The following ARHGAP24 variants were observed in gnomAD, a reference collection of about 807,000 sequenced individuals.
The protein encoded by ARHGAP24 is Rho GTPase activating protein 24.
Under a neutral mutation model 76.4 loss-of-function variants are expected in ARHGAP24, and 50 were observed. That is an observed-to-expected ratio of 0.65 (90% CI 0.52 to 0.83). The LOEUF is 0.83. Among genes scored for constraint, ARHGAP24 ranks in the 40% least tolerant of loss-of-function variants. The pLI, the probability that ARHGAP24 is intolerant of heterozygous loss-of-function variation, is 0.00. For missense variants in ARHGAP24, 930 were observed against 914.2 expected, an observed-to-expected ratio of 1.02 and a Z score of -0.22; for synonymous variants, 345 against 323.3, an observed-to-expected ratio of 1.07 and a Z score of -0.72.
At chr4:85,904,927 A>C (rs1394596993) in intron 3 of ARHGAP24, among the ~76,000 whole-genome samples, 2 of 152,224 alleles carry the variant, frequency 1.3e-5, no homozygotes, top group Non-Finnish European at 2.9e-5. Flanking sequence ...ACAAAACCCC[A>C]AAACAGACTG....
At chr4:85,762,196 C>T (rs905241857) in intron 3 of ARHGAP24, among the ~76,000 whole-genome samples, 2 of 152,076 alleles carry the variant, frequency 1.3e-5, no homozygotes, top group African/African-American at 4.8e-5. Context: ...AAAATAGTGC[C>T]CAAATACTAA....
Position 85,570,389 on chromosome 4 carries a change from T to TA in ARHGAP24, c.-20-133_-20-132insA. On this transcript the variant is annotated intron_variant, in intron 1 of 9. Coordinates refer to ENST00000395184, the MANE Select transcript of ARHGAP24 (RefSeq NM_001025616.3). ...CTCTTTCTTTCTTTCTTTCTTTCTT[T>TA]CTTTCTTTCTTTCTTTCTTTCTTTC... 9.9e-5 allele frequency: 2 copies of TA among 20,128 alleles called. 1 individual carries two copies. The highest frequency in any genetic ancestry group is 1.8e-4 in the Non-Finnish European group (2 of 11,418). 1.2% of individuals were successfully genotyped at this position (20,128 alleles called of 1,614,324 possible).
intron 3 of ARHGAP24, among the ~76,000 whole-genome samples, chr4:85,742,965 T>C (rs1252651672): frequency 6.6e-6 from 1 of 152,168 alleles, no homozygotes; most frequent in Non-Finnish European, 1.5e-5. Context: ...TTATAAACTT[T>C]ATGATTTACA....
chr4:85,737,787 G>A (rs1725658889), intron 3 of ARHGAP24, among the ~76,000 whole-genome samples: 3 of 152,116 alleles, frequency 2.0e-5, no homozygotes, highest in African/African-American at 7.2e-5. Context: ...GTATGGAAAG[G>A]GTTGATATAA....
At chr4:85,714,177 T>A (rs1221492081) in intron 2 of ARHGAP24, among the ~76,000 whole-genome samples, 1 of 152,192 alleles carries the variant, frequency 6.6e-6, no homozygotes, top group Non-Finnish European at 1.5e-5. Context: ...AAACTCTATC[T>A]GAGAAGAAAT....
chr4:85,951,430 A>C (rs1737611412), intron 5 of ARHGAP24, among the ~76,000 whole-genome samples: 1 of 152,130 alleles, frequency 6.6e-6, no homozygotes, highest in Admixed American at 6.5e-5. Context: ...TGTGGAGACA[A>C]ACTGCCAGGG....
Position 85,556,986 on chromosome 4 carries a change from T to A in ARHGAP24, c.-20-13536T>A, listed in dbSNP as rs1302444451. ...ATGTGGAACACAGTCTTGTCCCTTTTCCATAAGGCAGCTCTGCCGGGGGTC... is the reference window on the plus strand; with the variant it reads ...ATGTGGAACACAGTCTTGTCCCTTTACCATAAGGCAGCTCTGCCGGGGGTC... On this transcript the variant is annotated intron_variant, in intron 1 of 9. Coordinates refer to ENST00000395184, the MANE Select transcript of ARHGAP24 (RefSeq NM_001025616.3). Among the ~76,000 whole-genome samples, 5 of 152,142 alleles carry A rather than the reference T, an allele frequency of 3.3e-5. No individual in the cohort carries two copies. In the East Asian group the frequency reaches 9.7e-4, roughly 29 times the overall value.
chr4:85,895,864 A>C (rs1660453606), intron 3 of ARHGAP24, among the ~76,000 whole-genome samples: 1 of 152,132 alleles, frequency 6.6e-6, no homozygotes, highest in Non-Finnish European at 1.5e-5. Flanking sequence ...ACCTGATAAT[A>C]TGGAAATTTA....
chr4:85,525,244 T>C (rs1027990572), intron 1 of ARHGAP24, among the ~76,000 whole-genome samples: 3 of 149,624 alleles, frequency 2.0e-5, no homozygotes, highest in African/African-American at 7.4e-5. Context: ...GCCATGTGCT[T>C]ATGTATTATC....
intron 2 of ARHGAP24, among the ~76,000 whole-genome samples, chr4:85,592,126 C>T (rs898300355): frequency 2.0e-5 from 3 of 152,180 alleles, no homozygotes; most frequent in Non-Finnish European, 2.9e-5. Context: ...ACTCCTTCCC[C>T]ACTGGCCTGA....
At chr4:85,789,402 C>G (rs1380755169) in intron 3 of ARHGAP24, among the ~76,000 whole-genome samples, 1 of 151,226 alleles carries the variant, frequency 6.6e-6, no homozygotes, top group African/African-American at 2.4e-5. Flanking sequence ...AGAATCAGTC[C>G]GCAGGTTGGC....
intron 3 of ARHGAP24, chr4:85,828,052 G>T: frequency 1.8e-6 from 2 of 1,110,436 alleles, no homozygotes; most frequent in Non-Finnish European, 2.4e-6. Flanking sequence ...AATAATTTGG[G>T]GATATTTATA....
chr4:85,619,478 A>T (rs1437533031), intron 2 of ARHGAP24, among the ~76,000 whole-genome samples: 2 of 151,386 alleles, frequency 1.3e-5, no homozygotes, highest in African/African-American at 4.9e-5. Context: ...AAATTTTAGG[A>T]CTTTTTTTCT....
intron 2 of ARHGAP24, among the ~76,000 whole-genome samples, chr4:85,675,649 T>C (rs1267329070): frequency 1.3e-5 from 2 of 152,178 alleles, no homozygotes; most frequent in Non-Finnish European, 2.9e-5. Flanking sequence ...CCTGGAAAAG[T>C]GATTACATTG....
At chr4:85,546,923 T>G (rs1725941465) in intron 1 of ARHGAP24, among the ~76,000 whole-genome samples, 3 of 152,216 alleles carry the variant, frequency 2.0e-5, no homozygotes, top group Admixed American at 2.0e-4. Flanking sequence ...TCTCTATGTA[T>G]TTATTATTTT....
intron 3 of ARHGAP24, among the ~76,000 whole-genome samples, chr4:85,901,406 C>T (rs1340229765): frequency 6.6e-6 from 1 of 151,796 alleles, no homozygotes; most frequent in Non-Finnish European, 1.5e-5. Flanking sequence ...AAAAAACTGA[C>T]AAAACCATAA....
intron 3 of ARHGAP24, among the ~76,000 whole-genome samples, chr4:85,900,148 TCTGA>T (rs1277476328): frequency 9.8e-5 from 15 of 152,328 alleles, no homozygotes; most frequent in African/African-American, 3.4e-4. Flanking sequence ...ATAACAGATA[TCTGA>T]CTATGTCTAC....
chr4:85,943,692 G>A (rs569096498), intron 5 of ARHGAP24, among the ~76,000 whole-genome samples: 11 of 152,128 alleles, frequency 7.2e-5, no homozygotes, highest in African/African-American at 2.2e-4. Context: ...TCCCACTTAT[G>A]AGTGAGAACA....
chr4:85,704,061 C>T (rs1229864643), intron 2 of ARHGAP24, among the ~76,000 whole-genome samples: 2 of 152,264 alleles, frequency 1.3e-5, no homozygotes, highest in Non-Finnish European at 2.9e-5. Flanking sequence ...TTTCATTGAA[C>T]GTAATGCACC....
Sources: gnomAD v4.1 joint callset for allele counts (sites outside exome capture counted in the v4.1 genomes callset) on GRCh38, gnomAD v4.1.1 for gene constraint, MANE v1.5 for transcripts, NCBI Gene and HGNC (gene_info 2026-07-23, HGNC 2026-07-21) for gene names.